Variants in SOCS7 observed in about 807,000 individuals in gnomAD.
The protein encoded by SOCS7 is suppressor of cytokine signaling 7.
Under a neutral mutation model 58.9 loss-of-function variants are expected in SOCS7, and 18 were observed. The ratio of observed to expected loss-of-function variants is 0.31; its 90% CI spans 0.21 to 0.45. The LOEUF (loss-of-function observed/expected upper bound fraction) is 0.45. SOCS7 is among the 20% of genes least tolerant of loss of function. The pLI, the probability that SOCS7 is intolerant of heterozygous loss-of-function variation, is 1.00. For synonymous variants in SOCS7, 388 were observed against 364.3 expected (o/e 1.06, Z -0.74); for missense variants, 667 against 837.3 (o/e 0.80, Z 2.51).
In SOCS7 at chr17:38,399,851, G is replaced by C. The variant is rs1395076958; in HGVS notation, c.*369G>C. The C allele has an allele frequency of 6.6e-6, 1 of 152,438 alleles. No individual in the cohort carries two copies. The highest frequency in any genetic ancestry group is 1.5e-5 in the Non-Finnish European group (1 of 68,112). The allele number at this position is 152,438 out of a possible 1,614,324, so 9.4% of individuals were successfully genotyped here. A position where few individuals can be genotyped will look rare whatever the true frequency, so the allele number is the denominator to read the frequency against. On this transcript the variant is annotated 3_prime_UTR_variant, in exon 10 of 10. Transcript: ENST00000612932. ...GTTTGTGCCCGTTGGATTGAAAGTGGTGCGAAGGGTGAGCAGGTCCAAAGA... is the reference window on the plus strand; with the variant it reads ...GTTTGTGCCCGTTGGATTGAAAGTGCTGCGAAGGGTGAGCAGGTCCAAAGA...
Position 38,404,775 on chromosome 17 carries a change from G to C in SOCS7, c.*5293G>C, listed in dbSNP as rs1331332098. ...AGCCTGCTCTCACTCCTCCATCTCTGGTGCTCCCTTGGGCGGGGACCTGTC... is the reference window on the plus strand; with the variant it reads ...AGCCTGCTCTCACTCCTCCATCTCTCGTGCTCCCTTGGGCGGGGACCTGTC... On this transcript the variant is annotated 3_prime_UTR_variant, in exon 10 of 10. Coordinates refer to ENST00000612932, the MANE Select transcript of SOCS7 (RefSeq NM_014598.4). The C allele has an allele frequency of 6.6e-6, 1 of 152,326 alleles. No individual in the cohort carries two copies. The highest frequency in any genetic ancestry group is 1.5e-5 in the Non-Finnish European group (1 of 68,134). The allele number at this position is 152,326 out of a possible 1,614,324, so 9.4% of individuals were successfully genotyped here.
chr17:38,371,727 A>G (rs933951349), intron 6 of SOCS7, among the ~76,000 whole-genome samples: 2 of 133,760 alleles, frequency 1.5e-5, no homozygotes, highest in Non-Finnish European at 3.1e-5. Context: ...GATTACAGGT[A>G]TGAGCCACTG....
chr17:38,358,943 C>T (rs1208940793), intron 1 of SOCS7, among the ~76,000 whole-genome samples: 1 of 152,114 alleles, frequency 6.6e-6, no homozygotes, highest in Admixed American at 6.5e-5. Context: ...AGAAGGCCTC[C>T]GCAAGATGTG....
chr17:38,375,424 A>T (rs566397303), intron 6 of SOCS7, among the ~76,000 whole-genome samples: 1 of 152,208 alleles, frequency 6.6e-6, no homozygotes, highest in Admixed American at 6.6e-5. Context: ...CTTTATGATG[A>T]TCCACTTCCA....
intron 3 of SOCS7, among the ~76,000 whole-genome samples, 181 bp from the exon 4 acceptor site, chr17:38,365,127 C>G (rs1555568103): frequency 6.6e-6 from 1 of 152,218 alleles, no homozygotes; most frequent in African/African-American, 2.4e-5. Flanking sequence ...CCTTACTACC[C>G]TGCTTTCCAA....
intron 6 of SOCS7, among the ~76,000 whole-genome samples, chr17:38,372,501 C>T (rs1241889059): frequency 6.6e-6 from 1 of 152,288 alleles, no homozygotes; most frequent in African/African-American, 2.4e-5. Context: ...TGCAAGTATC[C>T]GCTTAAAATG....
chr17:38,361,626 C>A, intron 1 of SOCS7, 85 bp from the exon 2 acceptor site: 1 of 994,306 alleles, frequency 1.0e-6, no homozygotes, highest in Non-Finnish European at 1.6e-6. Context: ...TTTCTCAGTG[C>A]ATCTGGAACT....
At position 38,402,886 on chromosome 17, in the gene SOCS7, G is replaced by A. The variant is rs1168704963; in HGVS notation, c.*3404G>A. On this transcript the variant is annotated 3_prime_UTR_variant, in exon 10 of 10. Coordinates refer to ENST00000612932, the MANE Select transcript of SOCS7 (RefSeq NM_014598.4). Reference sequence around the variant, plus strand: ...CTCACCTGTTTATGACTGATCTACTGTAACCTTCCTCAGGTTGAGAGTGAG... The same window carrying A: ...CTCACCTGTTTATGACTGATCTACTATAACCTTCCTCAGGTTGAGAGTGAG... The A allele has an allele frequency of 6.6e-6, 1 of 152,186 alleles. No homozygotes were observed. Among genetic ancestry groups the A allele is most frequent in the Non-Finnish European group, 1.5e-5 (1 of 68,058 alleles). The allele number at this position is 152,186 out of a possible 1,614,324, so 9.4% of individuals were successfully genotyped here.
At chr17:38,380,354 G>T (rs2032715150) in intron 7 of SOCS7, among the ~76,000 whole-genome samples, 1 of 151,970 alleles carries the variant, frequency 6.6e-6, no homozygotes, top group Non-Finnish European at 1.5e-5. Context: ...AATATGGCTG[G>T]GCTCGGTGGC....
At chr17:38,375,596 C>T (rs1482010135) in intron 6 of SOCS7, among the ~76,000 whole-genome samples, 2 of 152,174 alleles carry the variant, frequency 1.3e-5, no homozygotes, top group South Asian at 4.2e-4. Context: ...TTTCAGTCAA[C>T]AGTACGTTGT....
intron 1 of SOCS7, among the ~76,000 whole-genome samples, chr17:38,360,640 C>T (rs758570079): frequency 4.6e-5 from 7 of 151,972 alleles, no homozygotes; most frequent in East Asian, 1.9e-4. Context: ...CCTGGGTTCA[C>T]GCCGTTCTCC....
In SOCS7 at chr17:38,400,507, G is replaced by A. The variant is rs1230651078; in HGVS notation, c.*1025G>A. 1 of 152,234 alleles carries A rather than the reference G, an allele frequency of 6.6e-6. No individual in the cohort carries two copies. The highest frequency in any genetic ancestry group is 2.4e-5 in the African/African-American group (1 of 41,436). The allele number at this position is 152,234 out of a possible 1,614,324, so 9.4% of individuals were successfully genotyped here. A position where few individuals can be genotyped will look rare whatever the true frequency, so the allele number is the denominator to read the frequency against. ...CTTGTGAGGGGGAATGTGGAGGAAGGTGAGAAATACAGCTCCCACAGTTGT... is the reference window on the plus strand; with the variant it reads ...CTTGTGAGGGGGAATGTGGAGGAAGATGAGAAATACAGCTCCCACAGTTGT... On this transcript the variant is annotated 3_prime_UTR_variant, in exon 10 of 10. Coordinates refer to ENST00000612932, the MANE Select transcript of SOCS7 (RefSeq NM_014598.4).
intron 7 of SOCS7, among the ~76,000 whole-genome samples, chr17:38,380,459 C>T (rs543209681): frequency 6.6e-6 from 1 of 151,722 alleles, no homozygotes; most frequent in Non-Finnish European, 1.5e-5. Context: ...GGTGAAACCT[C>T]GCCTCTACTA....
At chr17:38,387,094 AAAAAAAAAAT>A (rs1328434844) in intron 7 of SOCS7, among the ~76,000 whole-genome samples, 1 of 92,484 alleles carries the variant, frequency 1.1e-5, no homozygotes, top group African/African-American at 6.8e-5. Flanking sequence ...AAAAAAAAAA[AAAAAAAAAAT>A]ATATATATAT....
chr17:38,392,601 T>C (rs974345435), intron 7 of SOCS7, among the ~76,000 whole-genome samples: 18 of 152,192 alleles, frequency 1.2e-4, no homozygotes, highest in African/African-American at 4.3e-4. Flanking sequence ...TGAGTTCTTT[T>C]TCTTTTCTTT....
chr17:38,381,829 T>A (rs2038003907), intron 7 of SOCS7, among the ~76,000 whole-genome samples: 1 of 150,974 alleles, frequency 6.6e-6, no homozygotes, highest in Non-Finnish European at 1.5e-5. Flanking sequence ...TTGGGCATGG[T>A]GGTGCACATC....
chr17:38,363,825 G>T (rs1470239276), intron 2 of SOCS7, among the ~76,000 whole-genome samples: 1 of 152,102 alleles, frequency 6.6e-6, no homozygotes, highest in African/African-American at 2.4e-5. Flanking sequence ...AAAAAAAAAG[G>T]TGTTGGAAGG....
At chr17:38,393,956 A>G (rs1287365987) in intron 7 of SOCS7, among the ~76,000 whole-genome samples, 4 of 152,252 alleles carry the variant, frequency 2.6e-5, no homozygotes, top group African/African-American at 9.6e-5. Flanking sequence ...ATAATAGTAG[A>G]TATTTTATTT....
intron 1 of SOCS7, among the ~76,000 whole-genome samples, chr17:38,356,641 A>G (rs1397361342): frequency 1.3e-5 from 2 of 152,152 alleles, no homozygotes; most frequent in Non-Finnish European, 2.9e-5. Context: ...CTGGGATTAC[A>G]GGCGTGAGCC....
Sources: allele counts gnomAD v4.1 joint callset (sites outside exome capture counted in the v4.1 genomes callset), GRCh38; gene constraint gnomAD v4.1.1; transcripts MANE v1.5; gene names NCBI Gene and HGNC (gene_info 2026-07-23, HGNC 2026-07-21).